Variants in ADGRL3 observed in about 807,000 individuals in gnomAD.
The protein encoded by ADGRL3 is adhesion G protein-coupled receptor L3, also known as calcium-independent alpha-latrotoxin receptor 3.
Under a neutral mutation model 153.5 loss-of-function variants are expected in ADGRL3, and 62 were observed. That is an observed-to-expected ratio of 0.40 (90% confidence interval 0.33 to 0.50). The LOEUF is 0.50. Ranked by LOEUF, ADGRL3 falls within the 20% of genes least tolerant of loss-of-function variation. The pLI, the probability that ADGRL3 is intolerant of heterozygous loss-of-function variation, is 0.47. For missense variants in ADGRL3, 1,641 were observed against 1,859.4 expected (o/e 0.88, Z 2.16); for synonymous variants, 710 against 672.5 (o/e 1.06, Z -0.86).
chr4:61,217,974 T>C (rs2148965858), intron 1 of ADGRL3, among the ~76,000 whole-genome samples: 1 of 152,298 alleles, frequency 6.6e-6, no homozygotes, highest in East Asian at 1.9e-4. Flanking sequence ...GAAACTGTGG[T>C]ATTATTGTTT....
intron 5 of ADGRL3, among the ~76,000 whole-genome samples, chr4:61,599,751 C>G (rs1340508070): frequency 6.6e-6 from 1 of 152,106 alleles, no homozygotes; most frequent in Non-Finnish European, 1.5e-5. Context: ...TGGCTAGCCT[C>G]CAGCATGAAT....
chr4:61,628,648 GT>G (rs1265807878), intron 5 of ADGRL3, among the ~76,000 whole-genome samples: 1 of 152,068 alleles, frequency 6.6e-6, no homozygotes, highest in Non-Finnish European at 1.5e-5. Context: ...ATGGAAGATG[GT>G]TGGTTCTTTT....
intron 2 of ADGRL3, among the ~76,000 whole-genome samples, chr4:61,421,025 T>C (rs2152333870): frequency 6.6e-6 from 1 of 152,154 alleles, no homozygotes; most frequent in East Asian, 1.9e-4. Flanking sequence ...AACTGGCAAA[T>C]GCTGGCCGGG....
chr4:61,651,617 G>GT (rs572302103), intron 5 of ADGRL3, among the ~76,000 whole-genome samples: 4,236 of 149,508 alleles, frequency 0.028, 196 homozygotes, highest in African/African-American at 0.098. Context: ...TTTTGTTTCT[G>GT]TTTTTTTTTG....
At chr4:61,675,879 A>T (rs1182829421) in intron 5 of ADGRL3, among the ~76,000 whole-genome samples, 1 of 151,836 alleles carries the variant, frequency 6.6e-6, no homozygotes, top group African/African-American at 2.4e-5. Context: ...CAATTGTGCT[A>T]TCAGATACTA....
intron 5 of ADGRL3, among the ~76,000 whole-genome samples, chr4:61,663,491 T>C (rs1398839095): frequency 1.3e-5 from 2 of 152,206 alleles, no homozygotes; most frequent in Non-Finnish European, 2.9e-5. Flanking sequence ...GTGCAGCGGA[T>C]GGACCCTTTG....
chr4:61,365,538 T>A (rs2096379733), intron 1 of ADGRL3, among the ~76,000 whole-genome samples: 1 of 152,242 alleles, frequency 6.6e-6, no homozygotes, highest in Admixed American at 6.5e-5. Flanking sequence ...CTAGATATAG[T>A]TTGCAGCAGT....
chr4:61,449,445 A>AT lies in ADGRL3; in HGVS notation c.-173-47666dup, dbSNP rs987206528. On this transcript the variant is annotated intron_variant, in intron 2 of 26. Coordinates refer to ENST00000683033, the MANE Select transcript of ADGRL3 (RefSeq NM_001387552.1). ...CCACCACGCCCGGCCTATTTTTTCC[A>AT]TTTTTTTTTTAAGTGAAATACTATT... Among the ~76,000 whole-genome samples the AT allele has an allele frequency of 1.2e-3, 184 of 148,044 alleles. 2 individuals are homozygous for AT. The highest frequency in any genetic ancestry group is 0.011 in the Middle Eastern group (3 of 284).
intron 4 of ADGRL3, among the ~76,000 whole-genome samples, chr4:61,519,656 C>T (rs1055480760): frequency 2.0e-5 from 3 of 152,068 alleles, no homozygotes; most frequent in African/African-American, 4.8e-5. Context: ...AGCTAGAATG[C>T]TTGGACAGGT....
At chr4:61,469,541 A>G (rs975562107) in intron 2 of ADGRL3, among the ~76,000 whole-genome samples, 3 of 151,986 alleles carry the variant, frequency 2.0e-5, no homozygotes, top group South Asian at 4.1e-4. Context: ...CTGTGTTTCC[A>G]GTAGGGGCCT....
chr4:61,308,389 T>A (rs1370227648), intron 1 of ADGRL3, among the ~76,000 whole-genome samples: 1 of 152,166 alleles, frequency 6.6e-6, no homozygotes, highest in Non-Finnish European at 1.5e-5. Context: ...GATAAAAGTA[T>A]CCTCCCTGTA....
intron 9 of ADGRL3, among the ~76,000 whole-genome samples, chr4:61,888,783 A>G (rs2098553535): frequency 6.6e-6 from 1 of 152,208 alleles, no homozygotes; most frequent in African/African-American, 2.4e-5. Flanking sequence ...GTCTTTCATA[A>G]CAAATTGAAG....
intron 9 of ADGRL3, among the ~76,000 whole-genome samples, chr4:61,857,996 C>G (rs1020977013): frequency 6.6e-6 from 1 of 152,122 alleles, no homozygotes; most frequent in African/African-American, 2.4e-5. Flanking sequence ...GGAACTTGAT[C>G]ATTGGTAGGT....
chr4:61,847,573 AGT>A lies in ADGRL3; in HGVS notation c.1480+33697_1480+33698del, dbSNP rs772042276. Among the ~76,000 whole-genome samples the A allele has an allele frequency of 1.0e-3, 112 of 111,326 alleles. 7 individuals are homozygous for A. The highest frequency in any genetic ancestry group is 7.9e-3 in the Middle Eastern group (2 of 252). The allele number at this position is 111,326 out of a possible 152,430, so 73.0% of individuals were successfully genotyped here. On this transcript the variant is annotated intron_variant, in intron 9 of 26. Transcript: ENST00000683033. ...CCAAATGAGAAATTATAGTACATTA[AGT>A]GTGTGTGTGTGTATATATATATAAT...
rs939934578 is a variant in ADGRL3 at position 61,934,849 on chromosome 4, G to A, written c.2122G>A (p.Glu708Lys). Residue 708 changes from glutamate to lysine, a missense_variant, in exon 14 of 27, where the codon GAG (glutamate) becomes AAG (lysine). Around this residue, in one of 5 missense-constraint regions of ADGRL3, gnomAD observed 734 missense variants for 797.0 expected, o/e 0.92. Transcript: ENST00000683033. Reference protein sequence around the residue: ...SCRAYVQAMVETVNNLLQPQA... With the variant: ...SCRAYVQAMVKTVNNLLQPQA... The stretch of plus-strand genomic sequence containing the variant: ...TTTCATCCTCTTGTAGGCAATGGTC[G>A]AGACAGTTAACAACCTCCTTCAGCC... 7 of 1,613,224 alleles carry A rather than the reference G, an allele frequency of 4.3e-6. No homozygotes were observed. Among genetic ancestry groups the A allele is most frequent in the East Asian group, 4.5e-5 (2 of 44,864 alleles).
chr4:61,521,754 C>T (rs925398372), intron 4 of ADGRL3, among the ~76,000 whole-genome samples: 11 of 151,942 alleles, frequency 7.2e-5, no homozygotes, highest in African/African-American at 2.7e-4. Flanking sequence ...GTACCATTTA[C>T]TGAGATAAGA....
chr4:61,619,160 A>G (rs1162504946), intron 5 of ADGRL3, among the ~76,000 whole-genome samples: 3 of 152,190 alleles, frequency 2.0e-5, no homozygotes, highest in Admixed American at 6.5e-5. Flanking sequence ...GCAAATTCAC[A>G]TTGAAAACAG....
chr4:61,741,558 G>A (rs937338802), intron 8 of ADGRL3, among the ~76,000 whole-genome samples: 1 of 152,202 alleles, frequency 6.6e-6, no homozygotes, highest in African/African-American at 2.4e-5. Context: ...GCCAAAGCTT[G>A]TGAAATTTGC....
At chr4:61,966,853 ATCAG>A (rs985722016) in intron 17 of ADGRL3, among the ~76,000 whole-genome samples, 7 of 152,146 alleles carry the variant, frequency 4.6e-5, no homozygotes, top group African/African-American at 1.7e-4. Flanking sequence ...TCAAAAAATC[ATCAG>A]TCAAACTACT....
Sources: gnomAD v4.1 joint callset for allele counts (sites outside exome capture counted in the v4.1 genomes callset) on GRCh38, gnomAD v4.1.1 for gene constraint, gnomAD v4.1.1 regional missense constraint, MANE v1.5 for transcripts, NCBI Gene and HGNC (gene_info 2026-07-23, HGNC 2026-07-21) for gene names.